SYT14: variants seen among roughly 807,000 people sequenced by gnomAD.
SYT14 encodes the protein synaptotagmin 14, also known as synaptotagmin-14.
Under a neutral mutation model 74.2 loss-of-function variants are expected in SYT14, and 32 were observed. The ratio of observed to expected loss-of-function variants is 0.43; its 90% CI spans 0.33 to 0.58. The LOEUF (loss-of-function observed/expected upper bound fraction) is 0.58. Among genes scored for constraint, SYT14 ranks in the 20% least tolerant of loss-of-function variants. The pLI, the probability that SYT14 is intolerant of heterozygous loss-of-function variation, is 0.05. For synonymous variants in SYT14, 298 were observed against 337.7 expected (o/e 0.88, Z 1.29); for missense variants, 791 against 981.8 (o/e 0.81, Z 2.60).
chr1:210,016,656 G>T, exon 4 of SYT14: 1 of 1,231,824 alleles, frequency 8.1e-7, no homozygotes, highest in Non-Finnish European at 1.0e-6. Context: ...AAATATGTTG[G>T]TACAGATAAT....
intron 8 of SYT14, among the ~76,000 whole-genome samples, chr1:210,156,598 G>A (rs1333130099): frequency 1.3e-5 from 2 of 150,422 alleles, no homozygotes; most frequent in African/African-American, 2.4e-5. Flanking sequence ...GCCAGGGTAG[G>A]TTATGGGAGG....
In SYT14 at chr1:209,990,299, A is replaced by T. The variant is rs147795918; in HGVS notation, c.-485-23334A>T. On this transcript the variant is annotated intron_variant, in intron 2 of 9. Coordinates refer to ENST00000637265, the Ensembl canonical transcript of SYT14. ...TAGAGCCACTCAGTCTGTGATGGAG[A>T]TGGCTAAGTTTAGAAAATTAGCATA... is the stretch of plus-strand genomic sequence containing the variant. Among the ~76,000 whole-genome samples the T allele has an allele frequency of 3.7e-3, 565 of 151,914 alleles. 4 individuals carry two copies. In the Middle Eastern group the frequency reaches 0.041, roughly 11 times the overall value.
chr1:209,993,121 G>A (rs560109793), intron 2 of SYT14, among the ~76,000 whole-genome samples: 4 of 152,324 alleles, frequency 2.6e-5, no homozygotes, highest in African/African-American at 9.6e-5. Flanking sequence ...TGTGGGCTGG[G>A]TAGCTCTGTC....
intron 1 of SYT14, among the ~76,000 whole-genome samples, chr1:209,944,658 T>G (rs996609491): frequency 2.0e-5 from 3 of 152,170 alleles, no homozygotes; most frequent in Non-Finnish European, 4.4e-5. Context: ...CTATTTTAAT[T>G]CTACAGTAAT....
At chr1:209,975,773 G>T (rs2079350395) in intron 2 of SYT14, among the ~76,000 whole-genome samples, 1 of 152,176 alleles carries the variant, frequency 6.6e-6, no homozygotes, top group Non-Finnish European at 1.5e-5. Flanking sequence ...AGTTTCAGAA[G>T]GAATGATACC....
chr1:209,990,648 A>C (rs1261702164), intron 2 of SYT14, among the ~76,000 whole-genome samples: 2 of 144,064 alleles, frequency 1.4e-5, no homozygotes, highest in Admixed American at 1.4e-4. Flanking sequence ...TATTTATCAA[A>C]AATTTAGCAG....
intron 5 of SYT14, among the ~76,000 whole-genome samples, chr1:210,051,799 C>T (rs147991490): frequency 0.026 from 4,014 of 152,160 alleles, 120 homozygotes; most frequent in Non-Finnish European, 0.033. Flanking sequence ...CAGTATCCCA[C>T]GTTCATGAGA....
chr1:209,958,856 A>G (rs1412319071), intron 2 of SYT14, among the ~76,000 whole-genome samples: 7 of 152,300 alleles, frequency 4.6e-5, no homozygotes, highest in African/African-American at 1.7e-4. Flanking sequence ...AACTAAAAGG[A>G]TACTCTATAA....
chr1:210,128,985 A>G (rs1463299813), intron 7 of SYT14, among the ~76,000 whole-genome samples: 1 of 152,176 alleles, frequency 6.6e-6, no homozygotes, highest in Non-Finnish European at 1.5e-5. Context: ...CTTTTCAAAT[A>G]TTTAGCAATG....
intron 7 of SYT14, among the ~76,000 whole-genome samples, chr1:210,136,836 G>T (rs1308520161): frequency 6.6e-6 from 1 of 152,162 alleles, no homozygotes; most frequent in Non-Finnish European, 1.5e-5. Flanking sequence ...AACTTAGTGT[G>T]CAGACTGTTA....
chr1:210,037,728 A>C (rs2080699045), intron 5 of SYT14, among the ~76,000 whole-genome samples: 1 of 151,880 alleles, frequency 6.6e-6, no homozygotes, highest in South Asian at 2.1e-4. Context: ...TTTAATTTCC[A>C]TATATTTGTA....
rs116758090 is a variant in SYT14 at position 210,096,491 on chromosome 1, A to G, written c.1584+1898A>G. 7.1e-3 allele frequency among the ~76,000 whole-genome samples: 1,082 copies of G among 152,328 alleles called. 2 individuals carry two copies. Among genetic ancestry groups the G allele is most frequent in the Middle Eastern group, 0.031 (9 of 294 alleles). On this transcript the variant is annotated intron_variant, in intron 6 of 9. Coordinates refer to ENST00000637265, the Ensembl canonical transcript of SYT14. ...ATTAACACACCTGGGGATAAGCTGT[A>G]AGTGAGTATCGGTAGCAAGACCACA...
exon 8 of SYT14, chr1:210,155,741 C>T (rs1271550243): frequency 2.5e-6 from 4 of 1,613,996 alleles, no homozygotes; most frequent in East Asian, 2.2e-5. Context: ...CCCAAATGAG[C>T]GTGTCAGAAA....
intron 2 of SYT14, among the ~76,000 whole-genome samples, chr1:209,985,347 A>G (rs140758196): frequency 6.6e-6 from 1 of 152,370 alleles, no homozygotes; most frequent in African/African-American, 2.4e-5. Flanking sequence ...CAGGGCAGTC[A>G]TTAAATCTTA....
At chr1:210,024,113 T>C (rs1408888201) in intron 5 of SYT14, among the ~76,000 whole-genome samples, 1 of 152,126 alleles carries the variant, frequency 6.6e-6, no homozygotes, top group Non-Finnish European at 1.5e-5. Context: ...GAAGATAAAA[T>C]TGAAAGGAGA....
intron 7 of SYT14, among the ~76,000 whole-genome samples, chr1:210,140,109 C>G (rs2082883601): frequency 6.6e-6 from 1 of 152,166 alleles, no homozygotes; most frequent in Non-Finnish European, 1.5e-5. Flanking sequence ...TCTCCACATT[C>G]TCTTCAACAC....
At chr1:210,146,117 C>T (rs985642905) in intron 7 of SYT14, among the ~76,000 whole-genome samples, 8 of 152,146 alleles carry the variant, frequency 5.3e-5, no homozygotes, top group African/African-American at 1.9e-4. Context: ...GTGGGCAGGT[C>T]ACCTGAGGTC....
At chr1:210,026,640 A>ACACT (rs1553267808) in intron 5 of SYT14, among the ~76,000 whole-genome samples, 1 of 150,498 alleles carries the variant, frequency 6.6e-6, no homozygotes, top group Non-Finnish European at 1.5e-5. Context: ...ACACACACAC[A>ACACT]CACTCACCCC....
chr1:210,151,555 A>G (rs1239366943), intron 7 of SYT14, among the ~76,000 whole-genome samples: 3 of 119,774 alleles, frequency 2.5e-5, no homozygotes, highest in Non-Finnish European at 5.0e-5. Flanking sequence ...TTACATAGCT[A>G]TTCTTTACTG....
Sources: allele counts gnomAD v4.1 joint callset (sites outside exome capture counted in the v4.1 genomes callset), GRCh38; gene constraint gnomAD v4.1.1; transcripts MANE v1.5; gene names NCBI Gene and HGNC (gene_info 2026-07-23, HGNC 2026-07-21).